Variants in EBF3 observed in about 807,000 individuals in gnomAD.
EBF3 encodes transcription factor COE3.
EBF3 carries 18 observed loss-of-function variants against 77.1 expected under a neutral mutation model. The ratio of observed to expected loss-of-function variants is 0.23; its 90% CI spans 0.16 to 0.35. The LOEUF (loss-of-function observed/expected upper bound fraction) is 0.35. Among genes scored for constraint, EBF3 ranks in the 10% least tolerant of loss-of-function variants. The pLI is 1.00. For missense variants in EBF3, 558 were observed against 860.0 expected (o/e 0.65, Z 4.39); for synonymous variants, 350 against 343.5 (o/e 1.02, Z -0.21).
intron 6 of EBF3, among the ~76,000 whole-genome samples, chr10:129,936,128 G>A (rs1857342242): frequency 6.6e-6 from 1 of 152,186 alleles, no homozygotes; most frequent in African/African-American, 2.4e-5. Flanking sequence ...TCCATTTATG[G>A]AATGATAGAA....
intron 6 of EBF3, among the ~76,000 whole-genome samples, chr10:129,915,239 G>A (rs1313364587): frequency 6.6e-6 from 1 of 152,116 alleles, no homozygotes; most frequent in Non-Finnish European, 1.5e-5. Context: ...TCTGTGATGT[G>A]AGGCCTCATT....
chr10:129,954,377 C>A (rs1358092279), intron 6 of EBF3, among the ~76,000 whole-genome samples: 1 of 151,886 alleles, frequency 6.6e-6, no homozygotes, highest in East Asian at 1.9e-4. Flanking sequence ...CTTTGCAGTG[C>A]ATGAAATGGT....
chr10:129,843,096 A>AT (rs757015366), intron 12 of EBF3, 41 bp downstream of exon 12: 10 of 1,372,172 alleles, frequency 7.3e-6, no homozygotes, highest in South Asian at 1.2e-5. Context: ...GGGTTCTGGC[A>AT]TGGGGGGGAG....
At chr10:129,840,183 C>G (rs1204874698) in intron 15 of EBF3, 62 bp downstream of exon 15, 7 of 1,325,310 alleles carry the variant, frequency 5.3e-6, no homozygotes, top group Non-Finnish European at 7.3e-6. Context: ...CCCCCACCCC[C>G]ACTCCCATCC....
At chr10:129,912,268 A>G (rs1589841910) in intron 6 of EBF3, among the ~76,000 whole-genome samples, 1 of 152,174 alleles carries the variant, frequency 6.6e-6, no homozygotes, top group South Asian at 2.1e-4. Context: ...TCCTCTCCCC[A>G]CTATCAACAG....
At position 129,963,528 on chromosome 10, in the gene EBF3, G is replaced by C; in HGVS notation, c.135-5C>G. ...GCCCGCGCCAGCCCCACGCCGCTGC[G>C]GGAGGAAAGAGACAGCGGCCCGGTG... On this transcript the variant is annotated splice_region_variant and splice_polypyrimidine_tract_variant and intron_variant, in intron 1 of 16. Coordinates refer to ENST00000440978, the MANE Select transcript of EBF3 (RefSeq NM_001375380.1). The surrounding 1 kb of genome is among the most constrained non-coding windows in gnomAD (Gnocchi z 7.1). 6.6e-7 allele frequency: 1 copy of C among 1,525,756 alleles called. No individual in the cohort carries two copies. Among genetic ancestry groups the C allele is most frequent in the Non-Finnish European group, 8.8e-7 (1 of 1,134,082 alleles). The allele number at this position is 1,525,756 out of a possible 1,614,324, so 94.5% of individuals were successfully genotyped here.
chr10:129,957,386 G>GTTTTT, intron 5 of EBF3, 60 bp from the exon 6 acceptor site: 2 of 1,196,382 alleles, frequency 1.7e-6, no homozygotes, highest in Admixed American at 2.7e-5. Flanking sequence ...TGCCCGACTT[G>GTTTTT]TATTTTTTTT....
Position 129,843,187 on chromosome 10 carries a change from G to A in EBF3, c.1144C>T (p.Arg382Trp), listed in dbSNP as rs146580982. Residue 382 changes from arginine to tryptophan, a missense_variant, in exon 12 of 17, where the codon CGG (arginine) becomes TGG (tryptophan). Around this residue, in one of 5 missense-constraint regions of EBF3, gnomAD observed 284 missense variants for 368.3 expected, o/e 0.77. Transcript: ENST00000440978. The stretch of plus-strand genomic sequence containing the variant: ...AAGGCTTCCACCAGGTCCGCCGCCC[G>A]CTTCAGTAACACCTCCTAAAGGAAG... ...ERLPKEVLLK[R>W]AADLVEALYG... 11 of 1,612,602 alleles carry A rather than the reference G, an allele frequency of 6.8e-6. No individual in the cohort carries two copies. The highest frequency in any genetic ancestry group is 9.3e-6 in the Non-Finnish European group (11 of 1,179,406).
At position 129,947,572 on chromosome 10, in the gene EBF3, T is replaced by C. The variant is rs1376187139; in HGVS notation, c.554+9686A>G. Among the ~76,000 whole-genome samples, 6 of 152,146 alleles carry C rather than the reference T, an allele frequency of 3.9e-5. No homozygotes were observed. The highest frequency in any genetic ancestry group is 8.8e-5 in the Non-Finnish European group (6 of 68,040). On this transcript the variant is annotated intron_variant, in intron 6 of 16. Coordinates refer to ENST00000440978, the MANE Select transcript of EBF3 (RefSeq NM_001375380.1). The surrounding 1 kb of genome is among the most constrained non-coding windows in gnomAD (Gnocchi z 4.5). ...ACTATTTACATATTCCAAAATAGTATTATTGAGGAAATAAACCCCTTATAA... is the reference window on the plus strand; with the variant it reads ...ACTATTTACATATTCCAAAATAGTACTATTGAGGAAATAAACCCCTTATAA...
intron 15 of EBF3, 59 bp downstream of exon 15, chr10:129,840,186 T>TA: frequency 1.3e-6 from 1 of 744,696 alleles, no homozygotes; most frequent in Non-Finnish European, 2.1e-6. Flanking sequence ...CCACCCCCAC[T>TA]CCCATCCCCA....
chr10:129,882,082 G>A (rs939843184), intron 6 of EBF3, among the ~76,000 whole-genome samples: 7 of 152,218 alleles, frequency 4.6e-5, no homozygotes, highest in East Asian at 3.8e-4. Context: ...AGCCCCCACC[G>A]CAGTGACTAA....
intron 6 of EBF3, among the ~76,000 whole-genome samples, chr10:129,917,651 CAAA>C (rs71481019): frequency 8.9e-4 from 21 of 23,596 alleles, no homozygotes; most frequent in Non-Finnish European, 1.1e-3. Context: ...GACCCTGCCT[CAAA>C]AAAAAAAAAA....
intron 10 of EBF3, among the ~76,000 whole-genome samples, chr10:129,866,238 C>T (rs905913776): frequency 6.6e-5 from 10 of 152,290 alleles, no homozygotes; most frequent in African/African-American, 2.4e-4. Context: ...CCTCCCACCT[C>T]ACCATCCTGA....
chr10:129,906,277 C>G (rs1855137515), intron 6 of EBF3, among the ~76,000 whole-genome samples: 1 of 152,292 alleles, frequency 6.6e-6, no homozygotes, highest in East Asian at 1.9e-4. Flanking sequence ...CCAAGAAGAG[C>G]TCTCTTTCAA....
chr10:129,845,712 G>A (rs1272242602), intron 11 of EBF3: 2 of 151,862 alleles, frequency 1.3e-5, no homozygotes, highest in Admixed American at 6.6e-5. Flanking sequence ...TAATGCATGG[G>A]TAATTGCTCA....
intron 6 of EBF3, among the ~76,000 whole-genome samples, chr10:129,915,737 C>T (rs191789622): frequency 2.6e-5 from 4 of 152,312 alleles, no homozygotes; most frequent in East Asian, 3.9e-4. Context: ...CACCAACAGC[C>T]GCCTGAACAC....
At chr10:129,918,128 T>C (rs113508543) in intron 6 of EBF3, among the ~76,000 whole-genome samples, 24 of 152,236 alleles carry the variant, frequency 1.6e-4, no homozygotes, top group African/African-American at 4.6e-4. Context: ...ACCCACAAAA[T>C]TGGGGGATGT....
chr10:129,923,800 T>C (rs1047025410), intron 6 of EBF3, among the ~76,000 whole-genome samples: 2 of 152,186 alleles, frequency 1.3e-5, no homozygotes, highest in Admixed American at 6.5e-5. Flanking sequence ...TTGGACTTCA[T>C]GAAAATTCAA....
intron 6 of EBF3, among the ~76,000 whole-genome samples, chr10:129,904,128 G>A (rs1447327876): frequency 6.6e-6 from 1 of 152,160 alleles, no homozygotes; most frequent in East Asian, 1.9e-4. Context: ...CTTCCACCTA[G>A]AATGCCCATC....
Sources: gnomAD v4.1 joint callset for allele counts (sites outside exome capture counted in the v4.1 genomes callset) on GRCh38, gnomAD v4.1.1 for gene constraint, gnomAD v4.1.1 regional missense constraint, Gnocchi (gnomAD v3.1) non-coding constraint, MANE v1.5 for transcripts, NCBI Gene and HGNC (gene_info 2026-07-23, HGNC 2026-07-21) for gene names.